KCNB2: variants seen among roughly 807,000 people sequenced by gnomAD.
KCNB2 encodes the protein delayed rectifier potassium channel protein.
Under a neutral mutation model 61.5 loss-of-function variants are expected in KCNB2, and 15 were observed. That is an observed-to-expected ratio of 0.24 (90% CI 0.16 to 0.38). The LOEUF is 0.38. KCNB2 is among the 10% of genes least tolerant of loss of function. The pLI, the probability that KCNB2 is intolerant of heterozygous loss-of-function variation, is 1.00. For synonymous variants in KCNB2, 457 were observed against 446.0 expected, an observed-to-expected ratio of 1.02 and a Z score of -0.31; for missense variants, 828 against 1,125.2, an observed-to-expected ratio of 0.74 and a Z score of 3.78.
At chr8:72,835,914 G>A (rs1809774073) in intron 2 of KCNB2, among the ~76,000 whole-genome samples, 1 of 152,176 alleles carries the variant, frequency 6.6e-6, no homozygotes, top group Non-Finnish European at 1.5e-5. Context: ...CTCAACATTT[G>A]ACTTTCCCAA....
At chr8:72,866,385 A>G (rs1250828446) in intron 2 of KCNB2, among the ~76,000 whole-genome samples, 2 of 152,218 alleles carry the variant, frequency 1.3e-5, no homozygotes, top group African/African-American at 4.8e-5. Context: ...AAGCTGAGAA[A>G]ATAGGAAACT....
chr8:72,572,571 C>T lies in KCNB2; in HGVS notation c.579+4258C>T, dbSNP rs547341860. Among the ~76,000 whole-genome samples, 10 of 145,674 alleles carry T rather than the reference C, an allele frequency of 6.9e-5. No individual in the cohort carries two copies. The South Asian group carries it at 1.1e-3, about 17-fold the overall frequency. The stretch of plus-strand genomic sequence containing the variant: ...TCCTCTCTCTCTCAGGCTCTCTCTG[C>T]GTCTCTCTCTCTCTCTCACACAGAC... On this transcript the variant is annotated intron_variant, in intron 2 of 2. Transcript: ENST00000523207.
In KCNB2 at chr8:72,859,122, A is replaced by G. The variant is rs1410587423; in HGVS notation, c.580-76813A>G. Among the ~76,000 whole-genome samples the G allele has an allele frequency of 2.0e-5, 3 of 152,320 alleles. No homozygotes were observed. In the South Asian group the frequency reaches 6.2e-4, roughly 32 times the overall value. On this transcript the variant is annotated intron_variant, in intron 2 of 2. Coordinates refer to ENST00000523207, the MANE Select transcript of KCNB2 (RefSeq NM_004770.3). ...AGTCTCAGAGAGAGTAGTACCTCTC[A>G]GTGTGAATCTGGGACACAAATGTTT...
At chr8:72,715,164 G>A (rs1303240421) in intron 2 of KCNB2, among the ~76,000 whole-genome samples, 1 of 152,168 alleles carries the variant, frequency 6.6e-6, no homozygotes, top group African/African-American at 2.4e-5. Context: ...CGTAAAGCAA[G>A]TCCTTAGTGA....
At chr8:72,803,454 G>A (rs139705436) in intron 2 of KCNB2, among the ~76,000 whole-genome samples, 145 of 152,240 alleles carry the variant, frequency 9.5e-4, no homozygotes, top group African/African-American at 3.4e-3. Flanking sequence ...CACCAAAGTA[G>A]CCTCCTACCT....
intron 2 of KCNB2, among the ~76,000 whole-genome samples, chr8:72,824,091 G>C (rs1809556676): frequency 6.6e-6 from 1 of 152,086 alleles, no homozygotes; most frequent in African/African-American, 2.4e-5. Context: ...TCACTCAGAG[G>C]GAGCTATTTC....
At chr8:72,597,467 A>C (rs1258637553) in intron 2 of KCNB2, among the ~76,000 whole-genome samples, 3 of 152,242 alleles carry the variant, frequency 2.0e-5, no homozygotes, top group African/African-American at 7.2e-5. Context: ...GCATGTTATC[A>C]GGAACCATAA....
intron 1 of KCNB2, among the ~76,000 whole-genome samples, chr8:72,565,066 G>C (rs180752624): frequency 1.7e-4 from 26 of 151,994 alleles, no homozygotes; most frequent in African/African-American, 4.8e-4. Context: ...AATTTAAGTT[G>C]CTTAGTCAAT....
intron 2 of KCNB2, among the ~76,000 whole-genome samples, chr8:72,933,731 C>G (rs1806840601): frequency 6.6e-6 from 1 of 152,232 alleles, no homozygotes; most frequent in South Asian, 2.1e-4. Flanking sequence ...GCATTCCCAA[C>G]TTGCCTTTAA....
intron 2 of KCNB2, among the ~76,000 whole-genome samples, chr8:72,744,624 A>G (rs1808026068): frequency 3.9e-5 from 6 of 152,070 alleles, no homozygotes; most frequent in African/African-American, 1.2e-4. Flanking sequence ...AAAGATGGGG[A>G]GCCTTTCCAC....
intron 2 of KCNB2, among the ~76,000 whole-genome samples, chr8:72,580,096 C>A (rs1443809882): frequency 2.0e-5 from 3 of 152,186 alleles, no homozygotes; most frequent in African/African-American, 7.2e-5. Flanking sequence ...TCACTATTTT[C>A]TGCTCCATGG....
chr8:72,923,049 C>G (rs1806555295), intron 2 of KCNB2, among the ~76,000 whole-genome samples: 1 of 151,562 alleles, frequency 6.6e-6, no homozygotes, highest in Non-Finnish European at 1.5e-5. Flanking sequence ...GCTTCCAGGT[C>G]ATAGGTGGAT....
At chr8:72,616,756 C>G (rs887818875) in intron 2 of KCNB2, among the ~76,000 whole-genome samples, 2 of 152,286 alleles carry the variant, frequency 1.3e-5, no homozygotes, top group East Asian at 3.9e-4. Flanking sequence ...GGTTGTTGCT[C>G]TTTCTAGGAC....
At chr8:72,805,199 AG>A (rs1315711034) in intron 2 of KCNB2, among the ~76,000 whole-genome samples, 1 of 152,226 alleles carries the variant, frequency 6.6e-6, no homozygotes, top group African/African-American at 2.4e-5. Context: ...TATTAAGATC[AG>A]TAGCCAAACA....
At chr8:72,785,578 C>T (rs1721744601) in intron 2 of KCNB2, among the ~76,000 whole-genome samples, 1 of 151,984 alleles carries the variant, frequency 6.6e-6, no homozygotes, top group South Asian at 2.1e-4. Flanking sequence ...AGTTGTTTTG[C>T]CCTAAGAGAG....
chr8:72,837,400 A>AT (rs1250764377), intron 2 of KCNB2, among the ~76,000 whole-genome samples: 2 of 152,186 alleles, frequency 1.3e-5, no homozygotes, highest in African/African-American at 4.8e-5. Flanking sequence ...AGAAACCTGG[A>AT]TTTTTAACAA....
chr8:72,553,575 T>C (rs1387198593), intron 1 of KCNB2, among the ~76,000 whole-genome samples: 1 of 152,108 alleles, frequency 6.6e-6, no homozygotes, highest in Non-Finnish European at 1.5e-5. Context: ...GAGATAAATG[T>C]CATTTTAAAT....
chr8:72,627,065 G>A (rs1408586622), intron 2 of KCNB2, among the ~76,000 whole-genome samples: 2 of 152,190 alleles, frequency 1.3e-5, no homozygotes, highest in Non-Finnish European at 2.9e-5. Context: ...TTCCCCATCA[G>A]TTTGATAATG....
rs566537842 is a variant in KCNB2 at position 72,922,071 on chromosome 8, G to A, written c.580-13864G>A. Among the ~76,000 whole-genome samples the A allele has an allele frequency of 1.8e-4, 28 of 152,262 alleles. No homozygotes were observed. The South Asian group carries it at 5.8e-3, about 32-fold the overall frequency. ...AGCTAGAAGTCTAAAACCAAGGTGT[G>A]GACAGGGCTGTGCTTCTTCTGAATG... On this transcript the variant is annotated intron_variant, in intron 2 of 2. Transcript: ENST00000523207.
Sources: gnomAD v4.1 joint callset for allele counts (sites outside exome capture counted in the v4.1 genomes callset) on GRCh38, gnomAD v4.1.1 for gene constraint, MANE v1.5 for transcripts, NCBI Gene and HGNC (gene_info 2026-07-23, HGNC 2026-07-21) for gene names.